Variants in TTN observed in about 807,000 individuals in gnomAD.
The protein encoded by TTN is connectin.
A neutral mutation model predicts 3,223.0 loss-of-function variants in TTN; 1,525 were observed. The observed-to-expected ratio is 0.47, with a 90% CI of 0.45 to 0.49. The LOEUF (loss-of-function observed/expected upper bound fraction) is 0.49. TTN is among the 20% of genes least tolerant of loss of function. The pLI is 0.00. For missense variants in TTN, 40,786 were observed against 43,424.0 expected (o/e 0.94, Z 5.40); for synonymous variants, 14,094 against 15,161.0 (o/e 0.93, Z 5.17).
At position 178,554,764 on chromosome 2, in the gene TTN, A is replaced by C. The variant is rs1170747462; in HGVS notation, c.88595-12T>G. ...TGGGCCTGGTTTGTCTATCAGTGAA[A>C]GGACAAAACACGATGTTAGTACTTC... is the stretch of plus-strand genomic sequence containing the variant. On this transcript the variant is annotated splice_polypyrimidine_tract_variant and intron_variant, in intron 331 of 362. Transcript: ENST00000589042. 1 of 1,612,420 alleles carries C rather than the reference A, an allele frequency of 6.2e-7. No homozygotes were observed. The highest frequency in any genetic ancestry group is 8.5e-7 in the Non-Finnish European group (1 of 1,179,532).
At position 178,597,907 on chromosome 2, in the gene TTN, C is replaced by T. The variant is rs1468372318; in HGVS notation, c.57262+1G>A. On this transcript the variant is annotated splice_donor_variant, in intron 293 of 362. Transcript: ENST00000589042. LOFTEE classifies it high-confidence loss of function. ...TGGCATAAGGAAGGATTGATAATTACCAAGTCTGTCCTTCATTTCAATGAC... is the reference window on the plus strand; with the variant it reads ...TGGCATAAGGAAGGATTGATAATTATCAAGTCTGTCCTTCATTTCAATGAC... 6.2e-7 allele frequency: 1 copy of T among 1,612,920 alleles called. No individual in the cohort carries two copies. Among genetic ancestry groups the T allele is most frequent in the Non-Finnish European group, 8.5e-7 (1 of 1,179,528 alleles).
chr2:178,557,795 C>T lies in TTN; in HGVS notation c.87559G>A (p.Glu29187Lys), dbSNP rs1060500586. Reference sequence around the variant, plus strand: ...GTTCTTGCAACTGTTGCAGACACTTCAGTCCACACTGCAGTACTTGTTTCT... The same window carrying T: ...GTTCTTGCAACTGTTGCAGACACTTTAGTCCACACTGCAGTACTTGTTTCT... ...KRETSTAVWT[E>K]VSATVARTMM... Residue 29187 changes from glutamate to lysine, a missense_variant, in exon 328 of 363, where the codon GAA becomes AAA. Transcript: ENST00000589042. The T allele has an allele frequency of 5.6e-6, 9 of 1,613,978 alleles. No individual in the cohort carries two copies. In the South Asian group the frequency reaches 9.9e-5, roughly 18 times the overall value.
rs1289282264 is a variant in TTN, at chr2:178,536,002, G to C, written c.100745C>G (p.Thr33582Ser). The change falls in exon 357 of 363, where the codon ACT (threonine) becomes AGT (serine). Residue 33582 changes from threonine (T) to serine (S), a missense_variant. Physicochemically the swap from Thr to Ser is moderately conservative, Grantham distance 58 (BLOSUM62 1). Transcript: ENST00000589042. ...ATNQGGSVSG[T>S]ASLEVEVPAK... ...TTTACCTTCCACTTCCAAGGAGGCA[G>C]TGCCAGACACAGATCCCCCTTGGTT... 1 of 1,539,934 alleles carries C rather than the reference G, an allele frequency of 6.5e-7. No individual in the cohort carries two copies. The highest frequency in any genetic ancestry group is 8.7e-7 in the Non-Finnish European group (1 of 1,146,628).
Position 178,615,711 on chromosome 2 carries a change from A to G in TTN, c.48390T>C (p.Cys16130=). Residue 16130 remains cysteine, a synonymous_variant, in exon 258 of 363, where the codon TGT becomes TGC. Transcript: ENST00000589042. ...CTCCAGGGCCACATTTGTTACGAGC[A>G]CAAACTTTAAATAAGTACTCTTTTC... ...VQGKEYLFKV[C]ARNKCGPGEP... is the part of the protein sequence containing the mutation. 1 of 1,612,520 alleles carries G rather than the reference A, an allele frequency of 6.2e-7. No individual in the cohort carries two copies. Among genetic ancestry groups the G allele is most frequent in the Non-Finnish European group, 8.5e-7 (1 of 1,178,970 alleles).
In TTN at chr2:178,561,709, A is replaced by C; in HGVS notation, c.84423T>G (p.Ser28141Arg). The C allele has an allele frequency of 6.2e-7, 1 of 1,609,290 alleles. No homozygotes were observed. Among genetic ancestry groups the C allele is most frequent in the South Asian group, 1.1e-5 (1 of 90,734 alleles). The change falls in exon 326 of 363, where the codon AGT becomes AGG. Residue 28141 changes from serine (S) to arginine (R), a missense_variant. Transcript: ENST00000589042. ...ACTCTGCAACAACAGCTGAAGATTC[A>C]CTGTAGGAGCTCTTTCCATAGCGGT... ...AENRYGKSSYSESSAVVAEYP... is the reference protein window; with the variant it reads ...AENRYGKSSYRESSAVVAEYP...
chr2:178,614,416 A>C (rs2056925734), intron 261 of TTN, 50 bp downstream of exon 261: 1 of 1,578,920 alleles, frequency 6.3e-7, no homozygotes, highest in African/African-American at 1.4e-5. Flanking sequence ...TTCTTTCAAG[A>C]AAGTAACTGC....
chr2:178,576,179 G>A lies in TTN; in HGVS notation c.69953C>T (p.Ala23318Val). 1 of 1,613,014 alleles carries A rather than the reference G, an allele frequency of 6.2e-7. No homozygotes were observed. ...CTCCCCAACACCTGCATCGTTGATG[G>A]CACTGATTCTGAAGTTGTATTTTTC... The part of the protein sequence containing the change: ...TKEKYNFRIS[A>V]INDAGVGEPA... Residue 23318 changes from alanine to valine, a missense_variant, in exon 326 of 363, where the codon GCC becomes GTC. Physicochemically the swap from Ala to Val is moderately conservative, Grantham distance 64 (BLOSUM62 0). Coordinates refer to ENST00000589042, the MANE Select transcript of TTN (RefSeq NM_001267550.2). The surrounding 1 kb of genome is among the most constrained non-coding windows in gnomAD (Gnocchi z 4.3).
chr2:178,754,591 C>A (rs1307302629), intron 46 of TTN, among the ~76,000 whole-genome samples: 2 of 152,100 alleles, frequency 1.3e-5, no homozygotes, highest in East Asian at 3.9e-4. Context: ...ACAACACAGC[C>A]AACTCCCAAT....
chr2:178,583,615 G>A lies in TTN; in HGVS notation c.65567C>T (p.Ala21856Val), dbSNP rs1303979451. Residue 21856 changes from alanine (A) to valine (V), a missense_variant, in exon 312 of 363, where the codon GCA becomes GTA. Coordinates refer to ENST00000589042, the MANE Select transcript of TTN (RefSeq NM_001267550.2). ...SEPSDPVTIL[A>V]ENVPPRIDLS... The stretch of plus-strand genomic sequence containing the variant: ...ACTCAGCAGAATCTTACCATTTTCT[G>A]CGAGGATAGTCACTGGATCAGAAGG... The A allele has an allele frequency of 2.5e-6, 4 of 1,597,854 alleles. No homozygotes were observed. The highest frequency in any genetic ancestry group is 1.1e-5 in the South Asian group (1 of 89,062).
At chr2:178,637,453 TTTTCGGACTTA>T in intron 223 of TTN, 34 bp from the exon 224 acceptor site, 1 of 1,378,476 alleles carries the variant, frequency 7.3e-7, no homozygotes, top group Non-Finnish European at 9.6e-7. Flanking sequence ...ATTTAAACAC[TTTTCGGACTTA>T]TTTCATGTTT....
chr2:178,769,319 T>C (rs778568851), intron 37 of TTN, among the ~76,000 whole-genome samples: 2 of 152,010 alleles, frequency 1.3e-5, no homozygotes, highest in South Asian at 2.1e-4. Flanking sequence ...AGTGCCGTGA[T>C]TGTGGCTCAC....
In TTN at chr2:178,654,208, C is replaced by G; in HGVS notation, c.38380G>C (p.Val12794Leu). The G allele has an allele frequency of 6.3e-7, 1 of 1,595,140 alleles. No homozygotes were observed. Among genetic ancestry groups the G allele is most frequent in the Non-Finnish European group, 8.5e-7 (1 of 1,177,872 alleles). The change falls in exon 193 of 363, where the codon GTG becomes CTG. Residue 12794 changes from valine (V) to leucine (L), a missense_variant and splice_region_variant. Physicochemically the swap from Val to Leu is conservative, Grantham distance 32 (BLOSUM62 1). Transcript: ENST00000589042. ...TTAGCAGAGGAGAGGGAATAAATAC[C>G]TTTTGCACGTGGGGCTTCCGGTTTT... ...PKKPEAPRAK[V>L]PEAAQEVVPE... is the part of the protein sequence containing the mutation.
In TTN at chr2:178,580,175, G is replaced by A. The variant is rs2047373918; in HGVS notation, c.67112C>T (p.Ala22371Val). Residue 22371 changes from alanine (A) to valine (V), a missense_variant, in exon 318 of 363, where the codon GCT becomes GTT. Ala to Val is a moderately conservative substitution (Grantham distance 64). Coordinates refer to ENST00000589042, the MANE Select transcript of TTN (RefSeq NM_001267550.2). ...AATGGGAGGCTCCCAGGTAACATAA[G>A]CAGAGTCTTTGGATATTTCCTTAAC... ...VTVKEISKDS[A>V]YVTWEPPIID... is the part of the protein sequence containing the mutation. 6.2e-7 allele frequency: 1 copy of A among 1,613,088 alleles called. No individual in the cohort carries two copies. Among genetic ancestry groups the A allele is most frequent in the South Asian group, 1.1e-5 (1 of 91,058 alleles).
Position 178,578,878 on chromosome 2 carries a change from C to T in TTN, c.68152G>A (p.Val22718Ile). 3.1e-6 allele frequency: 5 copies of T among 1,613,290 alleles called. No individual in the cohort carries two copies. Among genetic ancestry groups the T allele is most frequent in the Non-Finnish European group, 4.2e-6 (5 of 1,179,466 alleles). The change falls in exon 320 of 363, where the codon GTC becomes ATC. Residue 22718 changes from valine (V) to isoleucine (I), a missense_variant. Val to Ile is a conservative substitution (Grantham distance 29). Transcript: ENST00000589042. ...ACACCATATTTATTTTCGGCACTGA[C>T]CCTGAAGGTATATTCCATGCCCTCA... Reference protein sequence around the residue: ...LHEGMEYTFRVSAENKYGVGE... With the variant: ...LHEGMEYTFRISAENKYGVGE...
At chr2:178,612,752 C>T in intron 265 of TTN, 21 bp downstream of exon 265, 3 of 1,590,090 alleles carry the variant, frequency 1.9e-6, no homozygotes, top group Non-Finnish European at 2.6e-6. Flanking sequence ...TTATATATCC[C>T]AGACATCAAG....
intron 6 of TTN, among the ~76,000 whole-genome samples, chr2:178,797,484 G>C (rs1425351187): frequency 1.3e-5 from 2 of 151,746 alleles, no homozygotes; most frequent in Non-Finnish European, 2.9e-5. Context: ...ATTTGTGGAT[G>C]ATTTTTAATG....
intron 163 of TTN, among the ~76,000 whole-genome samples, chr2:178,666,301 T>C (rs969958708): frequency 3.3e-5 from 5 of 152,096 alleles, no homozygotes; most frequent in Non-Finnish European, 7.4e-5. Flanking sequence ...CTGGAGGTTT[T>C]AAAGCTTTTT....
rs2091455237 is a variant in TTN at position 178,771,331 on chromosome 2, T to C, written c.7996A>G (p.Arg2666Gly). 2.5e-6 allele frequency: 4 copies of C among 1,614,092 alleles called. No individual in the cohort carries two copies. The highest frequency in any genetic ancestry group is 3.4e-6 in the Non-Finnish European group (4 of 1,180,000). Residue 2666 changes from arginine to glycine, a missense_variant, in exon 34 of 363, where the codon AGA (arginine) becomes GGA (glycine). By Grantham distance (125) the Arg-to-Gly change is moderately radical. Coordinates refer to ENST00000589042, the MANE Select transcript of TTN (RefSeq NM_001267550.2). The part of the protein sequence containing the change: ...GKHLPLTNNI[R>G]SESDGHKRRL... ...CTTTTGTGGCCATCAGACTCACTTC[T>C]GATGTTGTTAGTCAGTGGTAGGTGT...
intron 2 of TTN, among the ~76,000 whole-genome samples, chr2:178,802,631 G>A (rs1019804323): frequency 1.3e-5 from 2 of 152,212 alleles, no homozygotes; most frequent in South Asian, 4.1e-4. Flanking sequence ...CTGCCTGCCT[G>A]CCTAGGGCTC....
Sources: gnomAD v4.1 joint callset for allele counts (sites outside exome capture counted in the v4.1 genomes callset) on GRCh38, gnomAD v4.1.1 for gene constraint, Gnocchi (gnomAD v3.1) non-coding constraint, MANE v1.5 for transcripts, NCBI Gene and HGNC (gene_info 2026-07-23, HGNC 2026-07-21) for gene names.